FMN1: variants seen among roughly 807,000 people sequenced by gnomAD.
The protein encoded by FMN1 is formin 1.
Under a neutral mutation model 132.4 loss-of-function variants are expected in FMN1, and 110 were observed. That is an observed-to-expected ratio of 0.83 (90% CI 0.71 to 0.97). The LOEUF is 0.97. Among genes scored for constraint, FMN1 ranks in the 50% least tolerant of loss-of-function variants. The pLI, the probability that FMN1 is intolerant of heterozygous loss-of-function variation, is 0.00. For synonymous variants in FMN1, 722 were observed against 651.7 expected, an observed-to-expected ratio of 1.11 and a Z score of -1.64; for missense variants, 1,792 against 1,705.3, an observed-to-expected ratio of 1.05 and a Z score of -0.90.
intron 7 of FMN1, among the ~76,000 whole-genome samples, chr15:32,977,430 G>C (rs545091244): frequency 1.3e-5 from 2 of 152,322 alleles, no homozygotes; most frequent in Admixed American, 6.5e-5. Context: ...GATATGGAAT[G>C]ATTAAGTAAA....
intron 7 of FMN1, among the ~76,000 whole-genome samples, chr15:33,007,484 TCCGG>T (rs1296838611): frequency 1.3e-5 from 2 of 152,068 alleles, no homozygotes; most frequent in Admixed American, 1.3e-4. Flanking sequence ...CCTCAGTCAT[TCCGG>T]GCTTCACAAG....
chr15:33,184,490 TC>T (rs199915049), intron 2 of FMN1, among the ~76,000 whole-genome samples: 2,024 of 149,572 alleles, frequency 0.014, 64 homozygotes, highest in East Asian at 0.12. Flanking sequence ...TTAATTTAGA[TC>T]TTTTTTTTTT....
At chr15:33,166,886 T>C (rs1215559158) in intron 3 of FMN1, among the ~76,000 whole-genome samples, 2 of 152,168 alleles carry the variant, frequency 1.3e-5, no homozygotes. Flanking sequence ...CACTGGGCCA[T>C]GAGTTGGAGG....
At chr15:33,106,696 T>C (rs918540547) in intron 4 of FMN1, among the ~76,000 whole-genome samples, 3 of 152,102 alleles carry the variant, frequency 2.0e-5, no homozygotes, top group African/African-American at 7.2e-5. Flanking sequence ...AACTGTTTTC[T>C]GTGGGAGGAT....
chr15:32,784,552 G>C (rs537779413), intron 19 of FMN1, among the ~76,000 whole-genome samples: 1 of 152,072 alleles, frequency 6.6e-6, no homozygotes, highest in Non-Finnish European at 1.5e-5. Flanking sequence ...GAAGACCAAG[G>C]GGATGATTCT....
chr15:32,819,410 G>A (rs946573907), intron 17 of FMN1, among the ~76,000 whole-genome samples: 1 of 152,252 alleles, frequency 6.6e-6, no homozygotes, highest in Middle Eastern at 3.4e-3. Context: ...GACTTGTACC[G>A]TTTCAAAGGT....
chr15:33,022,080 G>A (rs570176062), intron 6 of FMN1, among the ~76,000 whole-genome samples: 1 of 152,228 alleles, frequency 6.6e-6, no homozygotes, highest in African/African-American at 2.4e-5. Flanking sequence ...ATATATAAAT[G>A]GTGTAGCATT....
chr15:32,953,941 G>A (rs1354895825), intron 9 of FMN1, among the ~76,000 whole-genome samples: 1 of 152,204 alleles, frequency 6.6e-6, no homozygotes, highest in Non-Finnish European at 1.5e-5. Context: ...GTTTAAAAAT[G>A]TATGTGGGAA....
At chr15:32,935,305 C>A (rs1369329469) in intron 9 of FMN1, among the ~76,000 whole-genome samples, 2 of 152,180 alleles carry the variant, frequency 1.3e-5, no homozygotes, top group African/African-American at 2.4e-5. Flanking sequence ...TCCTTCTGGT[C>A]TGCAAGTTCA....
At chr15:33,122,265 T>C (rs1454985) in intron 4 of FMN1, among the ~76,000 whole-genome samples, 55,518 of 152,146 alleles carry the variant, frequency 0.36, 11,079 homozygotes, top group Non-Finnish European at 0.43. Flanking sequence ...CATATTCCAA[T>C]TTTGTGTTTC....
chr15:33,130,536 T>C (rs8024224), intron 4 of FMN1, among the ~76,000 whole-genome samples: 1,756 of 151,876 alleles, frequency 0.012, 27 homozygotes, highest in African/African-American at 0.038. Flanking sequence ...TGTGCAAACA[T>C]TAAAATTAAT....
In FMN1 at chr15:33,154,173, G is replaced by C. The variant is rs1296216914; in HGVS notation, c.742C>G (p.Leu248Val). The C allele has an allele frequency of 3.3e-6, 5 of 1,536,430 alleles. No homozygotes were observed. The East Asian group carries it at 9.8e-5, about 30-fold the overall frequency. ...PDIPKTPDTD[L>V]GFGSFETAFK... ...GCCGTCTCAAAGCTCCCAAAGCCAA[G>C]GTCTGTGTCTGGCGTCTTGGGAATA... Residue 248 changes from leucine to valine, a missense_variant, in exon 4 of 21, where the codon CTT becomes GTT. Physicochemically the swap from Leu to Val is conservative, Grantham distance 32. Transcript: ENST00000616417.
intron 2 of FMN1, among the ~76,000 whole-genome samples, chr15:33,191,820 T>G (rs1331398190): frequency 6.6e-6 from 1 of 152,232 alleles, no homozygotes; most frequent in Non-Finnish European, 1.5e-5. Flanking sequence ...TGGTGCAAGC[T>G]TATATTTGCT....
chr15:32,966,630 A>C (rs1471651613), intron 8 of FMN1, among the ~76,000 whole-genome samples: 2 of 152,208 alleles, frequency 1.3e-5, no homozygotes, highest in African/African-American at 4.8e-5. Flanking sequence ...AAACGTCAAA[A>C]GAAAAAAAAT....
In FMN1 at chr15:32,865,378, A is replaced by T. The variant is rs373140593; in HGVS notation, c.3836-8271T>A. Among the ~76,000 whole-genome samples, 5 of 152,348 alleles carry T rather than the reference A, an allele frequency of 3.3e-5. No homozygotes were observed. In the East Asian group the frequency reaches 9.6e-4, roughly 29 times the overall value. On this transcript the variant is annotated intron_variant, in intron 16 of 20. Transcript: ENST00000616417. ...TGCCTCATCTGTACTTCTTTATATA[A>T]GGTAAATAATTTTAAAAATCTTAGG...
At chr15:32,844,972 T>C (rs2058824370) in intron 17 of FMN1, among the ~76,000 whole-genome samples, 1 of 152,184 alleles carries the variant, frequency 6.6e-6, no homozygotes, top group Non-Finnish European at 1.5e-5. Context: ...AGAAGAAACA[T>C]ACCCGTATTA....
intron 10 of FMN1, among the ~76,000 whole-genome samples, chr15:32,917,268 T>C (rs2060707239): frequency 6.6e-6 from 1 of 152,190 alleles, no homozygotes; most frequent in Non-Finnish European, 1.5e-5. Context: ...AAAATGGTCA[T>C]AGTTCTCCTA....
At chr15:33,018,194 T>G (rs1465202076) in intron 6 of FMN1, among the ~76,000 whole-genome samples, 2 of 152,204 alleles carry the variant, frequency 1.3e-5, no homozygotes, top group Non-Finnish European at 2.9e-5. Context: ...TTAGTGTGTG[T>G]GATACTGCAA....
chr15:32,964,024 C>T lies in FMN1; in HGVS notation c.3138+83G>A, dbSNP rs866751953. 535 of 864,472 alleles carry T rather than the reference C, an allele frequency of 6.2e-4. 3 individuals carry two copies. The African/African-American group carries it at 8.7e-3, about 14-fold the overall frequency. 53.6% of individuals were successfully genotyped at this position (864,472 alleles called of 1,614,324 possible). ...TGTGTGTGTATATACGATACACACA[C>T]ACACACACACACACACACACACACA... is the stretch of plus-strand genomic sequence containing the variant. On this transcript the variant is annotated intron_variant, in intron 9 of 20. Transcript: ENST00000616417.
Sources: allele counts gnomAD v4.1 joint callset (sites outside exome capture counted in the v4.1 genomes callset), GRCh38; gene constraint gnomAD v4.1.1; transcripts MANE v1.5; gene names NCBI Gene and HGNC (gene_info 2026-07-23, HGNC 2026-07-21).